Variants in PIGK observed in about 807,000 individuals in gnomAD.
PIGK encodes phosphatidylinositol glycan anchor biosynthesis class K.
Under a neutral mutation model 50.6 loss-of-function variants are expected in PIGK, and 42 were observed. The observed-to-expected ratio is 0.83, with a 90% CI of 0.65 to 1.07. PIGK has a LOEUF of 1.07. Among genes scored for constraint, PIGK ranks in the 50% least tolerant of loss-of-function variants. The pLI, the probability that PIGK is intolerant of heterozygous loss-of-function variation, is 0.00. For missense variants in PIGK, 448 were observed against 488.7 expected, an observed-to-expected ratio of 0.92 and a Z score of 0.78; for synonymous variants, 151 against 156.0, an observed-to-expected ratio of 0.97 and a Z score of 0.24.
chr1:77,131,119 T>A (rs934651570), intron 9 of PIGK, among the ~76,000 whole-genome samples: 4 of 151,986 alleles, frequency 2.6e-5, no homozygotes, highest in African/African-American at 9.7e-5. Flanking sequence ...TTTGTCTCCA[T>A]AAAGAAGATG....
chr1:77,131,027 T>C (rs1227159130), intron 9 of PIGK, among the ~76,000 whole-genome samples: 1 of 152,102 alleles, frequency 6.6e-6, no homozygotes, highest in Non-Finnish European at 1.5e-5. Flanking sequence ...TAAAATTATA[T>C]GATAATTTAT....
chr1:77,166,325 G>T (rs1412121247), intron 5 of PIGK, among the ~76,000 whole-genome samples: 1 of 152,010 alleles, frequency 6.6e-6, no homozygotes, highest in Non-Finnish European at 1.5e-5. Context: ...TCTACAGTTG[G>T]TAATCTTCAT....
At chr1:77,170,543 C>T (rs1655335907) in intron 3 of PIGK, among the ~76,000 whole-genome samples, 1 of 152,160 alleles carries the variant, frequency 6.6e-6, no homozygotes, top group African/African-American at 2.4e-5. Flanking sequence ...AGGATATAAG[C>T]TCTCTGAGGG....
chr1:77,142,931 A>G (rs1035589311), intron 9 of PIGK, among the ~76,000 whole-genome samples: 6 of 152,174 alleles, frequency 3.9e-5, no homozygotes, highest in Non-Finnish European at 5.9e-5. Flanking sequence ...TGTTGCCTTA[A>G]AAGTTTCTTC....
At chr1:77,202,310 T>C (rs1470537270) in intron 3 of PIGK, among the ~76,000 whole-genome samples, 1 of 152,022 alleles carries the variant, frequency 6.6e-6, no homozygotes, top group Non-Finnish European at 1.5e-5. Context: ...AGATATAAGA[T>C]CAACACATGT....
At chr1:77,203,787 A>C (rs894822218) in intron 3 of PIGK, among the ~76,000 whole-genome samples, 4 of 152,138 alleles carry the variant, frequency 2.6e-5, no homozygotes, top group African/African-American at 9.7e-5. Flanking sequence ...CTTTACTGCA[A>C]TCTCTGAACA....
At chr1:77,196,081 C>G (rs897676982) in intron 3 of PIGK, among the ~76,000 whole-genome samples, 1 of 152,094 alleles carries the variant, frequency 6.6e-6, no homozygotes, top group Non-Finnish European at 1.5e-5. Context: ...CATGTAGTAT[C>G]TGGTTTTCTG....
intron 4 of PIGK, 113 bp from the exon 5 acceptor site, chr1:77,166,943 C>T (rs2100559184): frequency 1.6e-6 from 1 of 610,084 alleles, no homozygotes; most frequent in Non-Finnish European, 2.9e-6. Context: ...TTACTCAGCA[C>T]CAACTGAAAA....
At chr1:77,165,732 A>G (rs187063149) in intron 5 of PIGK, among the ~76,000 whole-genome samples, 1 of 152,308 alleles carries the variant, frequency 6.6e-6, no homozygotes, top group East Asian at 1.9e-4. Flanking sequence ...AAAAATTAAC[A>G]TGGGCATGCA....
chr1:77,132,408 C>A (rs140337686), intron 9 of PIGK, among the ~76,000 whole-genome samples: 116 of 151,874 alleles, frequency 7.6e-4, no homozygotes, highest in South Asian at 2.1e-3. Flanking sequence ...TAACAATTAC[C>A]TTGGACATTA....
chr1:77,107,300 G>A (rs563471940), intron 10 of PIGK, among the ~76,000 whole-genome samples: 9 of 152,032 alleles, frequency 5.9e-5, no homozygotes, highest in African/African-American at 1.4e-4. Flanking sequence ...CTTTGTTCTC[G>A]TTGGTTTCGA....
Position 77,188,799 on chromosome 1 carries a change from C to T in PIGK, c.239+17841G>A, listed in dbSNP as rs562581628. ...CTGTCCCTTTATTTCTCAAGCCGGC[C>T]GATGCTTAGGAAAAATAGAAAAGAA... On this transcript the variant is annotated intron_variant, in intron 3 of 10. Coordinates refer to ENST00000370812, the MANE Select transcript of PIGK (RefSeq NM_005482.3). 6.6e-5 allele frequency among the ~76,000 whole-genome samples: 10 copies of T among 152,044 alleles called. No homozygotes were observed. In the South Asian group the frequency reaches 2.1e-3, roughly 32 times the overall value.
chr1:77,181,160 A>G (rs1655605747), intron 3 of PIGK, among the ~76,000 whole-genome samples: 1 of 152,192 alleles, frequency 6.6e-6, no homozygotes, highest in Admixed American at 6.6e-5. Flanking sequence ...GAAGGGAAAA[A>G]TAGCCTAAAA....
chr1:77,118,066 G>GT (rs1269381291), intron 10 of PIGK, among the ~76,000 whole-genome samples: 2 of 152,034 alleles, frequency 1.3e-5, no homozygotes, highest in Non-Finnish European at 2.9e-5. Context: ...ACATCAACAT[G>GT]TTTTTTATCA....
At chr1:77,130,834 T>C (rs189216978) in intron 9 of PIGK, among the ~76,000 whole-genome samples, 167 of 152,192 alleles carry the variant, frequency 1.1e-3, no homozygotes, top group African/African-American at 3.9e-3. Context: ...CACTTATGAG[T>C]TGTGTGACCA....
At chr1:77,171,079 A>C (rs1309592714) in intron 3 of PIGK, among the ~76,000 whole-genome samples, 1 of 152,168 alleles carries the variant, frequency 6.6e-6, no homozygotes, top group East Asian at 1.9e-4. Context: ...TACATTAAAT[A>C]AATATCAATC....
At chr1:77,145,783 A>T (rs1425037806) in intron 9 of PIGK, among the ~76,000 whole-genome samples, 1 of 152,116 alleles carries the variant, frequency 6.6e-6, no homozygotes, top group Non-Finnish European at 1.5e-5. Context: ...GAGGACTTAT[A>T]TAATTTCAGG....
At chr1:77,152,940 T>C (rs1033404556) in intron 9 of PIGK, among the ~76,000 whole-genome samples, 1 of 152,138 alleles carries the variant, frequency 6.6e-6, no homozygotes, top group Non-Finnish European at 1.5e-5. Flanking sequence ...ACAGTCATTA[T>C]AGAAAACAGT....
intron 9 of PIGK, among the ~76,000 whole-genome samples, chr1:77,138,809 T>C (rs1005859571): frequency 6.6e-6 from 1 of 152,180 alleles, no homozygotes; most frequent in African/African-American, 2.4e-5. Context: ...TTTGCTTCTG[T>C]CTTGCTTTGG....
Sources: gnomAD v4.1 joint callset for allele counts (sites outside exome capture counted in the v4.1 genomes callset) on GRCh38, gnomAD v4.1.1 for gene constraint, MANE v1.5 for transcripts, NCBI Gene and HGNC (gene_info 2026-07-23, HGNC 2026-07-21) for gene names.